Variants in GDNF observed in about 807,000 individuals in gnomAD.
GDNF encodes glial cell line-derived neurotrophic factor.
Under a neutral mutation model 13.7 loss-of-function variants are expected in GDNF, and 5 were observed. The ratio of observed to expected loss-of-function variants is 0.36; its 90% CI spans 0.19 to 0.77. The LOEUF (loss-of-function observed/expected upper bound fraction) is 0.77. Among genes scored for constraint, GDNF ranks in the 30% least tolerant of loss-of-function variants. The probability of loss-of-function intolerance (pLI) is 0.51; values close to 1 mark genes in which losing one functional copy is unlikely to be tolerated. For missense variants in GDNF, 246 were observed against 274.3 expected (o/e 0.90, Z 0.73); for synonymous variants, 122 against 112.5 (o/e 1.08, Z -0.53).
At chr5:37,825,385 T>C (rs991903082) in intron 2 of GDNF, among the ~76,000 whole-genome samples, 9 of 152,250 alleles carry the variant, frequency 5.9e-5, no homozygotes, top group African/African-American at 1.9e-4. Context: ...GTGGAAAGTG[T>C]CCATTCTTCA....
chr5:37,834,744 G>C lies in GDNF; in HGVS notation c.53C>G (p.Ser18Cys). The C allele has an allele frequency of 5.6e-6, 9 of 1,612,474 alleles. No homozygotes were observed. The highest frequency in any genetic ancestry group is 7.6e-6 in the Non-Finnish European group (9 of 1,179,430). The change falls in exon 2 of 3, where the codon TCC becomes TGC. Residue 18 changes from serine to cysteine, a missense_variant. Transcript: ENST00000326524. ...AVCLVLLHTA[S>C]AFPLPAGKRP... ...CTTACCGGCGGGCAGCGGGAAGGCG[G>C]ACGCGGTGTGGAGCAGCACCAGGCA...
chr5:37,821,885 A>G (rs535862754), intron 2 of GDNF, among the ~76,000 whole-genome samples: 46 of 152,332 alleles, frequency 3.0e-4, no homozygotes, highest in African/African-American at 9.9e-4. Context: ...AAAACATTAC[A>G]TTGGTTAAGC....
In GDNF at chr5:37,813,657, C is replaced by G. The variant is rs149881166; in HGVS notation, c.*1994G>C. The G allele has an allele frequency of 3.4e-5, 5 of 146,516 alleles. No individual in the cohort carries two copies. In the East Asian group the frequency reaches 1.0e-3, roughly 30 times the overall value. The allele number at this position is 146,516 out of a possible 1,614,324, so 9.1% of individuals were successfully genotyped here. ...CACAGCTCACTGCAGCCTCGACCTT[C>G]TGGACTCAAGTGATCCTCCTTCAGC... is the stretch of plus-strand genomic sequence containing the variant. On this transcript the variant is annotated 3_prime_UTR_variant, in exon 3 of 3. Transcript: ENST00000326524.
intron 1 of GDNF, chr5:37,835,278 C>A: frequency 2.5e-6 from 1 of 407,626 alleles, no homozygotes; most frequent in Non-Finnish European, 4.3e-6. Context: ...CTGAACGAGC[C>A]CTCGGCCCAA....
At chr5:37,831,897 A>T (rs1288529090) in intron 2 of GDNF, among the ~76,000 whole-genome samples, 1 of 152,264 alleles carries the variant, frequency 6.6e-6, no homozygotes, top group Non-Finnish European at 1.5e-5. Context: ...CCAAAAGTCA[A>T]ATCACAAGTC....
Position 37,839,732 on chromosome 5 carries a change from A to G in GDNF, c.-252T>C, listed in dbSNP as rs1271443433. 2 of 151,586 alleles carry G rather than the reference A, an allele frequency of 1.3e-5. No homozygotes were observed. Among genetic ancestry groups the G allele is most frequent in the Non-Finnish European group, 2.9e-5 (2 of 67,878 alleles). The allele number at this position is 151,586 out of a possible 1,614,324, so 9.4% of individuals were successfully genotyped here. On this transcript the variant is annotated 5_prime_UTR_variant, in exon 1 of 3. Transcript: ENST00000326524. The surrounding 1 kb of genome is among the most constrained non-coding windows in gnomAD (Gnocchi z 5.5). The stretch of plus-strand genomic sequence containing the variant: ...GCCAACAGGGCGAGGGCTGCCGGCA[A>G]CTCTCCCGCCGGGCCCCCGCACCCC...
intron 2 of GDNF, among the ~76,000 whole-genome samples, chr5:37,829,697 G>A (rs1045453519): frequency 2.0e-5 from 3 of 152,212 alleles, no homozygotes; most frequent in Non-Finnish European, 4.4e-5. Context: ...ATATCAGGGA[G>A]CTTTAATTTT....
At position 37,815,543 on chromosome 5, in the gene GDNF, C is replaced by G; in HGVS notation, c.*108G>C. On this transcript the variant is annotated 3_prime_UTR_variant, in exon 3 of 3. Transcript: ENST00000326524. This position sits in a 1 kb window ranked among gnomAD's most constrained non-coding sequence, Gnocchi z 5.0. ...TCCTCTTCTTCTTCCTCCTCCTCCG[C>G]CTCCTTGGTCCTCATCTTCCATTCT... 9.5e-7 allele frequency: 1 copy of G among 1,051,076 alleles called. No homozygotes were observed. The highest frequency in any genetic ancestry group is 1.5e-6 in the Non-Finnish European group (1 of 671,594). 65.1% of individuals were successfully genotyped at this position (1,051,076 alleles called of 1,614,324 possible).
At chr5:37,824,081 TCCTGTGC>T in intron 2 of GDNF, 1 of 977,030 alleles carries the variant, frequency 1.0e-6, no homozygotes, top group South Asian at 4.7e-5. Flanking sequence ...CAAGTCATCT[TCCTGTGC>T]CCTATTTAAG....
At chr5:37,834,367 G>T (rs891916860) in intron 2 of GDNF, among the ~76,000 whole-genome samples, 3 of 152,224 alleles carry the variant, frequency 2.0e-5, no homozygotes, top group African/African-American at 7.2e-5. Context: ...GGTGGTGCTG[G>T]TGGGGAGGAT....
chr5:37,829,052 C>T (rs1411172227), intron 2 of GDNF, among the ~76,000 whole-genome samples: 1 of 152,252 alleles, frequency 6.6e-6, no homozygotes, highest in Admixed American at 6.5e-5. Context: ...TGCCCCACTG[C>T]TATCAAAAAC....
In GDNF at chr5:37,815,778, A is replaced by T; in HGVS notation, c.509T>A (p.Val170Glu). 1 of 1,614,058 alleles carries T rather than the reference A, an allele frequency of 6.2e-7. No individual in the cohort carries two copies. Among genetic ancestry groups the T allele is most frequent in the Non-Finnish European group, 8.5e-7 (1 of 1,180,004 alleles). Residue 170 changes from valine (V) to glutamate (E), a missense_variant, in exon 3 of 3, where the codon GTG becomes GAG. By Grantham distance (121) the Val-to-Glu change is moderately radical (BLOSUM62 -2). Transcript: ENST00000326524. This position sits in a 1 kb window ranked among gnomAD's most constrained non-coding sequence, Gnocchi z 5.0. The part of the protein sequence containing the change: ...LKNLSRNRRL[V>E]SDKVGQACCR... ...ACATGCCTGCCCTACTTTGTCACTC[A>T]CCAGCCTTCTATTTCTGGATAAGTT...
Position 37,813,617 on chromosome 5 carries a change from G to A in GDNF, c.*2034C>T, listed in dbSNP as rs1749804085. On this transcript the variant is annotated 3_prime_UTR_variant, in exon 3 of 3. Coordinates refer to ENST00000326524, the MANE Select transcript of GDNF (RefSeq NM_000514.4). ...GTACCGCACTGTCACTTAGGCTGGAGTGCAGTGGCATGATCACAGCTCACT... is the reference window on the plus strand; with the variant it reads ...GTACCGCACTGTCACTTAGGCTGGAATGCAGTGGCATGATCACAGCTCACT... 6.9e-6 allele frequency: 1 copy of A among 145,054 alleles called. No individual in the cohort carries two copies. The highest frequency in any genetic ancestry group is 2.6e-5 in the African/African-American group (1 of 38,084). The allele number at this position is 145,054 out of a possible 1,614,324, so 9.0% of individuals were successfully genotyped here.
At chr5:37,831,165 C>T (rs1025898867) in intron 2 of GDNF, among the ~76,000 whole-genome samples, 2 of 152,042 alleles carry the variant, frequency 1.3e-5, no homozygotes, top group Admixed American at 6.5e-5. Flanking sequence ...TACAACTTAA[C>T]GATGCTCAAT....
intron 1 of GDNF, 94 bp from the exon 2 acceptor site, chr5:37,834,916 C>T: frequency 2.7e-6 from 3 of 1,120,938 alleles, no homozygotes; most frequent in Non-Finnish European, 3.9e-6. Flanking sequence ...CCAACCTCGT[C>T]ACCGCCCTCC....
Position 37,815,032 on chromosome 5 carries a change from C to T in GDNF, c.*619G>A, listed in dbSNP as rs1323099373. 5.2e-5 allele frequency: 8 copies of T among 154,088 alleles called. No individual in the cohort carries two copies. In the East Asian group the frequency reaches 1.1e-3, roughly 22 times the overall value. The allele number at this position is 154,088 out of a possible 1,614,324, so 9.5% of individuals were successfully genotyped here. A position where few individuals can be genotyped will look rare whatever the true frequency, so the allele number is the denominator to read the frequency against. Reference sequence around the variant, plus strand: ...ACCGTGATGGAAATCAATCACCAACCGTTGGCAAAAATGCTGGTTGTAGTA... The same window carrying T: ...ACCGTGATGGAAATCAATCACCAACTGTTGGCAAAAATGCTGGTTGTAGTA... On this transcript the variant is annotated 3_prime_UTR_variant, in exon 3 of 3. Transcript: ENST00000326524. This position sits in a 1 kb window ranked among gnomAD's most constrained non-coding sequence, Gnocchi z 5.0.
chr5:37,832,103 GTGTGCAAAC>G (rs1412665349), intron 2 of GDNF, among the ~76,000 whole-genome samples: 1 of 152,234 alleles, frequency 6.6e-6, no homozygotes, highest in African/African-American at 2.4e-5. Flanking sequence ...TTAAAGGTGA[GTGTGCAAAC>G]TGTGTATATT....
In GDNF at chr5:37,839,514, C is replaced by G. The variant is rs536856799; in HGVS notation, c.-34G>C. 6.6e-6 allele frequency: 1 copy of G among 152,470 alleles called. No individual in the cohort carries two copies. The highest frequency in any genetic ancestry group is 1.5e-5 in the Non-Finnish European group (1 of 68,256). 9.4% of individuals were successfully genotyped at this position (152,470 alleles called of 1,614,324 possible). On this transcript the variant is annotated 5_prime_UTR_variant, in exon 1 of 3. Transcript: ENST00000326524. This position sits in a 1 kb window ranked among gnomAD's most constrained non-coding sequence, Gnocchi z 5.5. ...GCCCGCTCCCTCACTTACCTCGGAT[C>G]GGGTCTCCGCAGACCCTAGGTTGGA...
intron 2 of GDNF, among the ~76,000 whole-genome samples, chr5:37,830,070 C>T (rs1282133390): frequency 6.6e-6 from 1 of 152,182 alleles, no homozygotes; most frequent in Non-Finnish European, 1.5e-5. Context: ...TATTTCATAA[C>T]ATTAGATTTG....
Sources: gnomAD v4.1 joint callset for allele counts (sites outside exome capture counted in the v4.1 genomes callset) on GRCh38, gnomAD v4.1.1 for gene constraint, Gnocchi (gnomAD v3.1) non-coding constraint, MANE v1.5 for transcripts, NCBI Gene and HGNC (gene_info 2026-07-23, HGNC 2026-07-21) for gene names.